CCDC74A: variants seen among roughly 807,000 people sequenced by gnomAD.
CCDC74A encodes coiled-coil domain containing 74A.
A neutral mutation model predicts 37.6 loss-of-function variants in CCDC74A; 38 were observed. That is an observed-to-expected ratio of 1.01 (90% confidence interval 0.78 to 1.33). The LOEUF is 1.33. Among genes scored for constraint, CCDC74A ranks in the 40% most tolerant of loss-of-function variants. The probability of loss-of-function intolerance (pLI) is 0.00; values close to 1 mark genes in which losing one functional copy is unlikely to be tolerated. For synonymous variants in CCDC74A, 134 were observed against 165.2 expected (o/e 0.81, Z 1.45); for missense variants, 340 against 403.4 (o/e 0.84, Z 1.35).
upstream of CCDC74A, among the ~76,000 whole-genome samples, chr2:131,526,200 G>T (rs1680314917): frequency 1.3e-5 from 2 of 150,042 alleles, no homozygotes; most frequent in South Asian, 4.2e-4. Flanking sequence ...AGGCTTGAAG[G>T]CAGTGGCATG....
chr2:131,530,276 T>A, intron 2 of CCDC74A: 1 of 1,543,114 alleles, frequency 6.5e-7, no homozygotes, highest in Non-Finnish European at 8.7e-7. Context: ...CACTTCCCAT[T>A]ATCTTTGGGG....
upstream of CCDC74A, among the ~76,000 whole-genome samples, chr2:131,525,804 C>T (rs529806976): frequency 6.7e-5 from 10 of 148,766 alleles, no homozygotes; most frequent in South Asian, 4.3e-4. Flanking sequence ...CTGCAAGCTC[C>T]GCCTCCCGGG....
chr2:131,528,140 T>C lies in CCDC74A; in HGVS notation c.170T>C (p.Leu57Pro), dbSNP rs771193722. Reference protein sequence around the residue: ...QKRNLDLEKSLQFLQQQHSEM... With the variant: ...QKRNLDLEKSPQFLQQQHSEM... ...CGGAACCTGGACCTGGAGAAAAGCC[T>C]GCAGTTCCTGCAGCAGCAGCACTCG... Residue 57 changes from leucine (L) to proline (P), a missense_variant, in exon 1 of 8, where the codon CTG becomes CCG. Leu to Pro is a moderately conservative substitution (Grantham distance 98). Transcript: ENST00000409856. 6.2e-7 allele frequency: 1 copy of C among 1,613,908 alleles called. No homozygotes were observed. Among genetic ancestry groups the C allele is most frequent in the Non-Finnish European group, 8.5e-7 (1 of 1,179,832 alleles).
rs189180198 is a variant in CCDC74A, at chr2:131,530,442, G to A, written c.296-335G>A. On this transcript the variant is annotated intron_variant, in intron 2 of 7. Transcript: ENST00000409856. The stretch of plus-strand genomic sequence containing the variant: ...CTAGCCGCTGTGGCAACTCCAGTGA[G>A]CTGTTCTGGGCAAAGTGTGGCCCAA... 7,591 of 1,545,744 alleles carry A rather than the reference G, an allele frequency of 4.9e-3. 169 individuals are homozygous for A. The African/African-American group carries it at 0.064, about 13-fold the overall frequency.
rs762005654 is a variant in CCDC74A, at chr2:131,529,941, G to A, written c.295+250G>A. 10 of 1,504,680 alleles carry A rather than the reference G, an allele frequency of 6.6e-6. No homozygotes were observed. In the East Asian group the frequency reaches 1.2e-4, roughly 19 times the overall value. The allele number at this position is 1,504,680 out of a possible 1,614,324, so 93.2% of individuals were successfully genotyped here. On this transcript the variant is annotated intron_variant, in intron 2 of 7. Transcript: ENST00000409856. ...ATTGCAGTGGGGAGGTGGGCACAGG[G>A]TGCTCCCCAGACCTCCCTCCTCCAA...
intron 1 of CCDC74A, chr2:131,529,336 G>C: frequency 1.8e-6 from 1 of 566,774 alleles, no homozygotes; most frequent in South Asian, 2.0e-5. Context: ...CATAGCCAGG[G>C]GTTCCGGAGT....
chr2:131,522,972 C>T (rs1334890988), upstream of CCDC74A, among the ~76,000 whole-genome samples: 5 of 152,294 alleles, frequency 3.3e-5, no homozygotes, highest in African/African-American at 1.2e-4. Context: ...TGCACCATGA[C>T]AGCTCACTGC....
At position 131,528,046 on chromosome 2, in the gene CCDC74A, C is replaced by A; in HGVS notation, c.76C>A (p.Arg26Ser). ...CCCGGGCTCTCGGCGCCGGCGCCAGCGCCCCTCTGTGGGCGTCCAGTCCTT... is the reference window on the plus strand; with the variant it reads ...CCCGGGCTCTCGGCGCCGGCGCCAGAGCCCCTCTGTGGGCGTCCAGTCCTT... ...PTPGSRRRRQ[R>S]PSVGVQSLRP... The change falls in exon 1 of 8, where the codon CGC becomes AGC. Residue 26 changes from arginine to serine, a missense_variant. Around this residue, in one of 3 missense-constraint regions of CCDC74A, gnomAD observed 154 missense variants for 153.9 expected, o/e 1.00. Transcript: ENST00000409856. 1 of 1,535,414 alleles carries A rather than the reference C, an allele frequency of 6.5e-7. No homozygotes were observed. The highest frequency in any genetic ancestry group is 8.7e-7 in the Non-Finnish European group (1 of 1,147,804).
intron 1 of CCDC74A, chr2:131,528,600 G>C (rs1680619392): frequency 1.1e-6 from 1 of 881,498 alleles, no homozygotes; most frequent in African/African-American, 1.7e-5. Context: ...CACGAGGTCA[G>C]GAGATCGAGA....
In CCDC74A at chr2:131,532,682, A is replaced by G. The variant is rs763232012; in HGVS notation, c.579A>G (p.Pro193=). Residue 193 remains proline, a synonymous_variant, in exon 5 of 8, where the codon CCA becomes CCG. Transcript: ENST00000409856. ...AGATGGGGGCGGGGGCACACCCCCCAATGATCCTGCCCCTTCCCCTGCGAA... is the reference window on the plus strand; with the variant it reads ...AGATGGGGGCGGGGGCACACCCCCCGATGATCCTGCCCCTTCCCCTGCGAA... The part of the protein sequence containing the change: ...GRQMGAGAHP[P]MILPLPLRKP... 11 of 1,613,244 alleles carry G rather than the reference A, an allele frequency of 6.8e-6. No homozygotes were observed. Among genetic ancestry groups the G allele is most frequent in the Non-Finnish European group, 9.3e-6 (11 of 1,179,614 alleles).
intron 2 of CCDC74A, chr2:131,530,318 G>C (rs1681019871): frequency 6.5e-7 from 1 of 1,543,334 alleles, no homozygotes; most frequent in Admixed American, 2.0e-5. Flanking sequence ...CATCTGACTG[G>C]TGGATGGAGC....
chr2:131,533,406 C>A lies in CCDC74A; in HGVS notation c.*8C>A. ...CATCGCTCAGTGCTTTGAGCCACCCCAATCTGGTCAGTGCCAGGCCCACCA... is the reference window on the plus strand; with the variant it reads ...CATCGCTCAGTGCTTTGAGCCACCCAAATCTGGTCAGTGCCAGGCCCACCA... On this transcript the variant is annotated 3_prime_UTR_variant, in exon 8 of 8. Transcript: ENST00000409856. 1.2e-6 allele frequency: 2 copies of A among 1,613,306 alleles called. No homozygotes were observed. The highest frequency in any genetic ancestry group is 1.7e-6 in the Non-Finnish European group (2 of 1,179,934).
At chr2:131,529,596 A>G in intron 1 of CCDC74A, 51 bp from the exon 2 acceptor site, 6 of 1,613,144 alleles carry the variant, frequency 3.7e-6, no homozygotes, top group Non-Finnish European at 5.1e-6. Context: ...TTCTTCTCTC[A>G]GAATAGCTGT....
Position 131,533,497 on chromosome 2 carries a change from A to G in CCDC74A, c.*99A>G, listed in dbSNP as rs1681762617. The stretch of plus-strand genomic sequence containing the variant: ...ACTTCCGCTACTTTTAGGCCTGGCT[A>G]AATTCCAAGACAGATAACACTCAAG... On this transcript the variant is annotated 3_prime_UTR_variant, in exon 8 of 8. Transcript: ENST00000409856. 1.3e-6 allele frequency: 2 copies of G among 1,517,970 alleles called. No individual in the cohort carries two copies. Among genetic ancestry groups the G allele is most frequent in the Admixed American group, 1.9e-5 (1 of 51,514 alleles). 94.0% of individuals were successfully genotyped at this position (1,517,970 alleles called of 1,614,324 possible).
At chr2:131,529,110 C>G (rs1380142578) in intron 1 of CCDC74A, 1 of 204,304 alleles carries the variant, frequency 4.9e-6, no homozygotes, top group East Asian at 1.2e-4. Flanking sequence ...GATCTTGCTT[C>G]AGGAGGGCTC....
At chr2:131,529,614 C>T in intron 1 of CCDC74A, 33 bp from the exon 2 acceptor site, 3 of 1,613,914 alleles carry the variant, frequency 1.9e-6, no homozygotes, top group South Asian at 1.1e-5. Flanking sequence ...TGTGGTTTCA[C>T]AAGTGCTGAG....
chr2:131,530,742 G>A (rs11547023), intron 2 of CCDC74A, 35 bp from the exon 3 acceptor site: 120,694 of 1,564,962 alleles, frequency 0.077, 1,220 homozygotes, highest in Non-Finnish European at 0.085. Context: ...GGCGTCTTGC[G>A]GGCGGTAGCG....
chr2:131,528,642 C>G, intron 1 of CCDC74A: 1 of 617,780 alleles, frequency 1.6e-6, no homozygotes, highest in Non-Finnish European at 2.8e-6. Context: ...AATCTCGTCT[C>G]TACTAAAAAT....
At chr2:131,531,100 G>T (rs1256223352) in intron 3 of CCDC74A, among the ~76,000 whole-genome samples, 1 of 152,138 alleles carries the variant, frequency 6.6e-6, no homozygotes, top group African/African-American at 2.4e-5. Context: ...GGGCCTCCCC[G>T]GGTGGCCTTC....
Sources: allele counts gnomAD v4.1 joint callset (sites outside exome capture counted in the v4.1 genomes callset), GRCh38; gene constraint gnomAD v4.1.1; regional missense constraint gnomAD v4.1.1; transcripts MANE v1.5; gene names NCBI Gene and HGNC (gene_info 2026-07-23, HGNC 2026-07-21).